The following LETM1 variants were observed in gnomAD, a reference collection of about 807,000 sequenced individuals.
LETM1 encodes the protein leucine zipper and EF-hand containing transmembrane protein 1.
LETM1 carries 50 observed loss-of-function variants against 74.5 expected under a neutral mutation model. That is an observed-to-expected ratio of 0.67 (90% CI 0.53 to 0.85). The LOEUF (loss-of-function observed/expected upper bound fraction) is 0.85. Ranked by LOEUF, LETM1 falls within the 40% of genes least tolerant of loss-of-function variation. LETM1 has a pLI of 0.00. For missense variants in LETM1, 824 were observed against 967.8 expected (o/e 0.85, Z 1.97); for synonymous variants, 446 against 407.1 (o/e 1.10, Z -1.15).
chr4:1,815,094 G>T (rs1577307180), intron 13 of LETM1, among the ~76,000 whole-genome samples: 1 of 152,352 alleles, frequency 6.6e-6, no homozygotes, highest in South Asian at 2.1e-4. Flanking sequence ...GTCAGTGATT[G>T]GGAAAATTGG....
rs371418600 is a variant in LETM1 at position 1,817,458 on chromosome 4, G to A, written c.1744-544C>T. On this transcript the variant is annotated intron_variant, in intron 11 of 13. Coordinates refer to ENST00000302787, the MANE Select transcript of LETM1 (RefSeq NM_012318.3). Reference sequence around the variant, plus strand: ...CACCTGTAGTGCCAGCTACCCAGGAGTCTGAGACAGGAGGATGGCTTGAGC... The same window carrying A: ...CACCTGTAGTGCCAGCTACCCAGGAATCTGAGACAGGAGGATGGCTTGAGC... 1.2e-4 allele frequency among the ~76,000 whole-genome samples: 19 copies of A among 152,114 alleles called. No homozygotes were observed. The East Asian group carries it at 3.3e-3, about 26-fold the overall frequency.
At chr4:1,842,982 T>TC (rs1577324746) in intron 2 of LETM1, 5 of 323,150 alleles carry the variant, frequency 1.5e-5, no homozygotes, top group South Asian at 7.4e-5. Context: ...TGGACACAAA[T>TC]CCCCCCGGGT....
In LETM1 at chr4:1,839,603, T is replaced by C. The variant is rs115564335; in HGVS notation, c.594+1744A>G. Among the ~76,000 whole-genome samples, 1,418 of 152,376 alleles carry C rather than the reference T, an allele frequency of 9.3e-3. 6 individuals are homozygous for C. Among genetic ancestry groups the C allele is most frequent in the East Asian group, 0.02 (105 of 5,190 alleles). On this transcript the variant is annotated intron_variant, in intron 3 of 13. Transcript: ENST00000302787. ...GTATTGGTTCCTGGCTCTACTGCCC[T>C]TGTTACAGTCTTGTGATAATGTTAG...
chr4:1,823,459 G>C (rs1282282788), intron 8 of LETM1, among the ~76,000 whole-genome samples, 185 bp downstream of exon 8: 1 of 152,142 alleles, frequency 6.6e-6, no homozygotes, highest in Non-Finnish European at 1.5e-5. Flanking sequence ...TGGCAGGCAA[G>C]GGGCTGGTGA....
At position 1,836,674 on chromosome 4, in the gene LETM1, G is replaced by A. The variant is rs1420673304; in HGVS notation, c.595-102C>T. The A allele has an allele frequency of 2.3e-6, 3 of 1,304,786 alleles. No homozygotes were observed. Among genetic ancestry groups the A allele is most frequent in the Middle Eastern group, 1.9e-4 (1 of 5,276 alleles). 80.8% of individuals were successfully genotyped at this position (1,304,786 alleles called of 1,614,324 possible). On this transcript the variant is annotated intron_variant, in intron 3 of 13. Transcript: ENST00000302787. This position sits in a 1 kb window ranked among gnomAD's most constrained non-coding sequence, Gnocchi z 5.8. ...ATAATGGTTTATAGGCACAACCTCAGGCAGCGACTCACAGGACCCACTGAG... is the reference window on the plus strand; with the variant it reads ...ATAATGGTTTATAGGCACAACCTCAAGCAGCGACTCACAGGACCCACTGAG...
chr4:1,827,808 C>G (rs1246803505), intron 6 of LETM1, among the ~76,000 whole-genome samples: 3 of 151,142 alleles, frequency 2.0e-5, no homozygotes, highest in East Asian at 4.0e-4. Context: ...GTTGGGCACA[C>G]CTCCCAGACG....
Position 1,814,535 on chromosome 4 carries a change from GGA to G in LETM1, c.2107_2108del (p.Ser703HisfsTer6), listed in dbSNP as rs1344748187. On this transcript the variant is annotated frameshift_variant, in exon 14 of 14. Transcript: ENST00000302787. LOFTEE classifies it high-confidence loss of function. ...CTACAATCTCAGCCACCTGGCTGGT[GGA>G]GATGTGAACATCTTCTTTGTCCACC... ...ELVDKEDVHI[S>X]TSQVAEIVAT... 6.2e-7 allele frequency: 1 copy of G among 1,613,896 alleles called. No homozygotes were observed. Among genetic ancestry groups the G allele is most frequent in the Non-Finnish European group, 8.5e-7 (1 of 1,179,872 alleles).
chr4:1,822,852 C>T, intron 9 of LETM1, 136 bp downstream of exon 9: 2 of 940,874 alleles, frequency 2.1e-6, no homozygotes, highest in Non-Finnish European at 2.8e-6. Context: ...TCCCTGACCA[C>T]TCCAGGAGGA....
chr4:1,822,385 G>T, intron 9 of LETM1, 73 bp from the exon 10 acceptor site: 1 of 1,350,926 alleles, frequency 7.4e-7, no homozygotes, highest in South Asian at 2.0e-5. Context: ...CCGAAGCTCA[G>T]AACATATGGC....
intron 10 of LETM1, among the ~76,000 whole-genome samples, chr4:1,821,978 G>A (rs904211227): frequency 3.9e-5 from 6 of 152,202 alleles, no homozygotes; most frequent in Non-Finnish European, 7.4e-5. Flanking sequence ...GGCACAGTGC[G>A]GAGCCCGGCC....
intron 2 of LETM1, among the ~76,000 whole-genome samples, chr4:1,844,334 T>C (rs1254821671): frequency 2.0e-5 from 3 of 152,264 alleles, no homozygotes; most frequent in African/African-American, 7.2e-5. Flanking sequence ...AACTGCTGTC[T>C]TACAGTTTGC....
chr4:1,835,435 C>T (rs965486035), intron 4 of LETM1, among the ~76,000 whole-genome samples: 3 of 150,560 alleles, frequency 2.0e-5, no homozygotes, highest in Non-Finnish European at 4.4e-5. Context: ...AGCGAAACTC[C>T]GTCTCAAAAA....
intron 6 of LETM1, 40 bp downstream of exon 6, chr4:1,832,703 TA>T (rs1460180971): frequency 1.3e-6 from 2 of 1,586,380 alleles, no homozygotes; most frequent in Non-Finnish European, 1.7e-6. Flanking sequence ...AACGAAAAGG[TA>T]AAACACCAGA....
intron 6 of LETM1, among the ~76,000 whole-genome samples, chr4:1,832,017 C>T (rs956555031): frequency 2.6e-5 from 4 of 152,088 alleles, no homozygotes; most frequent in African/African-American, 9.7e-5. Context: ...AAAAGAGTAA[C>T]CAGCCGGACA....
At chr4:1,823,532 G>A in intron 8 of LETM1, 112 bp downstream of exon 8, 1 of 1,352,886 alleles carries the variant, frequency 7.4e-7, no homozygotes, top group Non-Finnish European at 1.0e-6. Context: ...GTGGGAGGCA[G>A]GCTCCTCGCC....
chr4:1,829,590 G>C, intron 6 of LETM1, among the ~76,000 whole-genome samples: 1 of 152,256 alleles, frequency 6.6e-6, no homozygotes, highest in East Asian at 1.9e-4. Flanking sequence ...CAAGGTGGGA[G>C]AATCACTTGA....
intron 2 of LETM1, among the ~76,000 whole-genome samples, chr4:1,845,868 T>C (rs1345949430): frequency 6.6e-6 from 1 of 151,598 alleles, no homozygotes; most frequent in Non-Finnish European, 1.5e-5. Context: ...TATATTATTA[T>C]TTTTTTTGAG....
Position 1,816,880 on chromosome 4 carries a change from G to C in LETM1, c.1778C>G (p.Thr593Ser). Residue 593 changes from threonine to serine, a missense_variant, in exon 12 of 14, where the codon ACT (threonine) becomes AGT (serine). This residue lies in a region of LETM1 where 161 missense variants were observed against 252.7 expected (regional missense o/e 0.64). Transcript: ENST00000302787. ...LQEIKKELSKTGEEKYVEESK... is the reference protein window; with the variant it reads ...LQEIKKELSKSGEEKYVEESK... ...TTCTTCCACGTACTTTTCTTCACCA[G>C]TCTTTGAAAGTTCCTTCTTGATCTC... The C allele has an allele frequency of 6.2e-7, 1 of 1,613,826 alleles. No individual in the cohort carries two copies. The highest frequency in any genetic ancestry group is 1.1e-5 in the South Asian group (1 of 91,046).
At chr4:1,822,355 A>G in intron 9 of LETM1, 43 bp from the exon 10 acceptor site, 1 of 1,413,322 alleles carries the variant, frequency 7.1e-7, no homozygotes, top group East Asian at 2.7e-5. Flanking sequence ...GCCATCACAC[A>G]GAAGCAGTCT....
Sources: gnomAD v4.1 joint callset for allele counts (sites outside exome capture counted in the v4.1 genomes callset) on GRCh38, gnomAD v4.1.1 for gene constraint, gnomAD v4.1.1 regional missense constraint, Gnocchi (gnomAD v3.1) non-coding constraint, MANE v1.5 for transcripts, NCBI Gene and HGNC (gene_info 2026-07-23, HGNC 2026-07-21) for gene names.